Variants in AP3D1 observed in about 807,000 individuals in gnomAD.
AP3D1 encodes AP-3 complex subunit delta-1.
Under a neutral mutation model 147.6 loss-of-function variants are expected in AP3D1, and 51 were observed. The observed-to-expected ratio is 0.35, with a 90% CI of 0.28 to 0.44. AP3D1 has a LOEUF of 0.44. Among genes scored for constraint, AP3D1 ranks in the 20% least tolerant of loss-of-function variants. AP3D1 has a pLI of 1.00. For missense variants in AP3D1, 1,421 were observed against 1,624.2 expected (o/e 0.87, Z 2.15); for synonymous variants, 760 against 663.0 (o/e 1.15, Z -2.25).
At chr19:2,132,419 AG>A in intron 5 of AP3D1, 51 bp downstream of exon 5, 1 of 1,525,366 alleles carries the variant, frequency 6.6e-7, no homozygotes, top group Non-Finnish European at 9.0e-7. Flanking sequence ...ACTTTGACCG[AG>A]TTTTTCCCAG....
intron 31 of AP3D1, among the ~76,000 whole-genome samples, chr19:2,106,471 C>T (rs1349976175): frequency 2.6e-5 from 4 of 152,110 alleles, no homozygotes; most frequent in Non-Finnish European, 4.4e-5. Flanking sequence ...ACTGCTTGAA[C>T]CTGGGAGGCG....
At chr19:2,132,824 G>A (rs958101320) in intron 4 of AP3D1, among the ~76,000 whole-genome samples, 1 of 152,210 alleles carries the variant, frequency 6.6e-6, no homozygotes, top group Non-Finnish European at 1.5e-5. Flanking sequence ...GATGGGCGCG[G>A]CTGGGAACAG....
At chr19:2,149,876 G>T (rs1236430151) in intron 1 of AP3D1, among the ~76,000 whole-genome samples, 1 of 152,224 alleles carries the variant, frequency 6.6e-6, no homozygotes, top group Admixed American at 6.5e-5. Flanking sequence ...ACCAAGCTCA[G>T]TAAAAACCAG....
chr19:2,138,640 G>A lies in AP3D1; in HGVS notation c.171C>T (p.Asn57=), dbSNP rs763643005. 48 of 1,613,800 alleles carry A rather than the reference G, an allele frequency of 3.0e-5. No homozygotes were observed. Among genetic ancestry groups the A allele is most frequent in the Middle Eastern group, 3.3e-4 (2 of 6,084 alleles). The stretch of plus-strand genomic sequence containing the variant: ...TTACATACGTCAGCTTGCAGACCGC[G>A]TTCGCCTTCACCGCTATGTTGTCCT... ...LKQDNIAVKA[N]AVCKLTYLQM... is the part of the protein sequence containing the mutation. The change falls in exon 2 of 32, where the codon AAC becomes AAT. Residue 57 remains asparagine, a synonymous_variant. Transcript: ENST00000643116.
chr19:2,127,264 A>G lies in AP3D1; in HGVS notation c.807-63T>C, dbSNP rs1302539406. ...GGGGCCTCGTCAGATGCAGTGACCCAGTGCCGGCAGCTCAGCTGGAGACGG... is the reference window on the plus strand; with the variant it reads ...GGGGCCTCGTCAGATGCAGTGACCCGGTGCCGGCAGCTCAGCTGGAGACGG... On this transcript the variant is annotated intron_variant, in intron 8 of 31. Transcript: ENST00000643116. 11 of 1,574,770 alleles carry G rather than the reference A, an allele frequency of 7.0e-6. No homozygotes were observed. In the Middle Eastern group the frequency reaches 1.2e-3, roughly 167 times the overall value.
chr19:2,104,795 T>C (rs898676223), intron 31 of AP3D1, among the ~76,000 whole-genome samples: 1 of 151,232 alleles, frequency 6.6e-6, no homozygotes, highest in Non-Finnish European at 1.5e-5. Context: ...GCCTCCCAAG[T>C]AGCAGGGACT....
intron 14 of AP3D1, among the ~76,000 whole-genome samples, chr19:2,120,004 C>T (rs1429101448): frequency 6.6e-6 from 1 of 152,176 alleles, no homozygotes; most frequent in Admixed American, 6.5e-5. Context: ...AGGATGCAGG[C>T]TGGCTGGGGA....
At position 2,118,648 on chromosome 19, in the gene AP3D1, G is replaced by C. The variant is rs755474562; in HGVS notation, c.1666C>G (p.Arg556Gly). 1.9e-6 allele frequency: 3 copies of C among 1,612,472 alleles called. No individual in the cohort carries two copies. In the Admixed American group the frequency reaches 5.0e-5, roughly 27 times the overall value. ...GCGCTCTGCACAAACTGGGGCAGCCGGTCCACCATGAGCTGGGTGACGGCC... is the reference window on the plus strand; with the variant it reads ...GCGCTCTGCACAAACTGGGGCAGCCCGTCCACCATGAGCTGGGTGACGGCC... Reference protein sequence around the residue: ...AQAVTQLMVDRLPQFVQSADL... With the variant: ...AQAVTQLMVDGLPQFVQSADL... Residue 556 changes from arginine (R) to glycine (G), a missense_variant, in exon 15 of 32, where the codon CGG becomes GGG. Arg to Gly is a moderately radical substitution (Grantham distance 125, BLOSUM62 -2). Transcript: ENST00000643116.
chr19:2,102,645 G>A (rs968323356), intron 31 of AP3D1, among the ~76,000 whole-genome samples: 4 of 151,226 alleles, frequency 2.6e-5, no homozygotes, highest in African/African-American at 7.3e-5. Flanking sequence ...GGAGAATGGC[G>A]TGAACCCGGG....
chr19:2,114,228 T>A lies in AP3D1; in HGVS notation c.2498A>T (p.Asp833Val). The A allele has an allele frequency of 2.5e-6, 4 of 1,613,896 alleles. No individual in the cohort carries two copies. The highest frequency in any genetic ancestry group is 3.4e-6 in the Non-Finnish European group (4 of 1,179,938). ...GCTCTTCTTTTCTACCATGGGAACG[T>A]CCTTCTCAGGGGATTTTGAGGTCTC... ...NTETSKSPEKDVPMVEKKSKK... is the reference protein window; with the variant it reads ...NTETSKSPEKVVPMVEKKSKK... The change falls in exon 22 of 32, where the codon GAC becomes GTC. Residue 833 changes from aspartate to valine, a missense_variant. By Grantham distance (152) the Asp-to-Val change is radical. Around this residue, in one of 6 missense-constraint regions of AP3D1, gnomAD observed 791 missense variants for 761.4 expected, o/e 1.04. Coordinates refer to ENST00000643116, the MANE Select transcript of AP3D1 (RefSeq NM_001261826.3).
At chr19:2,103,601 GC>G (rs1568270487) in intron 31 of AP3D1, among the ~76,000 whole-genome samples, 1 of 152,146 alleles carries the variant, frequency 6.6e-6, no homozygotes, top group East Asian at 1.9e-4. Context: ...TCCAGAGGCC[GC>G]TGCCGGGTCC....
At chr19:2,162,430 G>T (rs942067891) in intron 1 of AP3D1, among the ~76,000 whole-genome samples, 1 of 150,474 alleles carries the variant, frequency 6.6e-6, no homozygotes, top group East Asian at 2.0e-4. Context: ...TGAGGAGGGC[G>T]GATCACTTGA....
chr19:2,139,172 G>C (rs1242486668), intron 1 of AP3D1, among the ~76,000 whole-genome samples: 1 of 152,118 alleles, frequency 6.6e-6, no homozygotes, highest in Non-Finnish European at 1.5e-5. Flanking sequence ...AGACAGGAAG[G>C]GGATTCGTGG....
intron 1 of AP3D1, among the ~76,000 whole-genome samples, chr19:2,139,712 G>A (rs925745418): frequency 7.2e-5 from 11 of 152,206 alleles, no homozygotes; most frequent in Non-Finnish European, 2.9e-5. Flanking sequence ...TCCATCATCC[G>A]ACAGGTCAGG....
intron 4 of AP3D1, among the ~76,000 whole-genome samples, chr19:2,135,564 GAC>G (rs1387768978): frequency 6.6e-6 from 1 of 152,140 alleles, no homozygotes; most frequent in Non-Finnish European, 1.5e-5. Context: ...ACAAACAAAT[GAC>G]ACACTGGACT....
At chr19:2,113,753 C>T (rs1465481837) in intron 22 of AP3D1, among the ~76,000 whole-genome samples, 1 of 152,234 alleles carries the variant, frequency 6.6e-6, no homozygotes, top group Non-Finnish European at 1.5e-5. Flanking sequence ...CAAACACATG[C>T]TCCTTTGAAA....
At chr19:2,153,854 C>A (rs1396266030), upstream of AP3D1, among the ~76,000 whole-genome samples, 1 of 152,026 alleles carries the variant, frequency 6.6e-6, no homozygotes, top group Non-Finnish European at 1.5e-5. Flanking sequence ...TCTTTCCCCT[C>A]GCCCGAGATA....
chr19:2,109,180 A>G lies in AP3D1; in HGVS notation c.3378T>C (p.Ser1126=). Residue 1126 remains serine (S), a synonymous_variant, in exon 30 of 32, where the codon TCT becomes TCC. Coordinates refer to ENST00000643116, the MANE Select transcript of AP3D1 (RefSeq NM_001261826.3). The part of the protein sequence containing the change: ...YSDAFAKLLE[S]GDLSMSSIKV... ...TGATTGAGCTCATGCTCAAGTCCCC[A>G]GACTCCAGCAACTTAGCAAAGGCGT... 6.2e-7 allele frequency: 1 copy of G among 1,606,384 alleles called. No individual in the cohort carries two copies. The highest frequency in any genetic ancestry group is 1.1e-5 in the South Asian group (1 of 89,922).
chr19:2,160,614 T>C (rs954168154), intron 1 of AP3D1, among the ~76,000 whole-genome samples: 11 of 151,918 alleles, frequency 7.2e-5, no homozygotes, highest in Non-Finnish European at 1.5e-4. Flanking sequence ...CAGTAGCCTA[T>C]GGGAGGGGCA....
Sources: gnomAD v4.1 joint callset for allele counts (sites outside exome capture counted in the v4.1 genomes callset) on GRCh38, gnomAD v4.1.1 for gene constraint, gnomAD v4.1.1 regional missense constraint, MANE v1.5 for transcripts, NCBI Gene and HGNC (gene_info 2026-07-23, HGNC 2026-07-21) for gene names.